TMEM132B: variants seen among roughly 807,000 people sequenced by gnomAD.
The protein encoded by TMEM132B is transmembrane protein 132B.
In TMEM132B, 18 loss-of-function variants were observed where a neutral mutation model predicts 90.8. That is an observed-to-expected ratio of 0.20 (90% CI 0.14 to 0.29). The LOEUF is 0.29. Among genes scored for constraint, TMEM132B ranks in the 10% least tolerant of loss-of-function variants. The pLI is 1.00. For synonymous variants in TMEM132B, 504 were observed against 523.3 expected (o/e 0.96, Z 0.50); for missense variants, 1,096 against 1,326.8 (o/e 0.83, Z 2.70).
At chr12:125,390,440 T>C (rs1405256852) in intron 2 of TMEM132B, among the ~76,000 whole-genome samples, 1 of 152,216 alleles carries the variant, frequency 6.6e-6, no homozygotes, top group Non-Finnish European at 1.5e-5. Flanking sequence ...ACCTTTTCAT[T>C]TGTAGTGGCT....
At chr12:125,597,361 C>G (rs1885463170) in intron 5 of TMEM132B, among the ~76,000 whole-genome samples, 1 of 152,156 alleles carries the variant, frequency 6.6e-6, no homozygotes, top group Non-Finnish European at 1.5e-5. Flanking sequence ...TAGCTGAGTG[C>G]TTAATGTGCC....
At chr12:125,470,398 C>A (rs144623421) in intron 3 of TMEM132B, among the ~76,000 whole-genome samples, 1 of 152,188 alleles carries the variant, frequency 6.6e-6, no homozygotes, top group Non-Finnish European at 1.5e-5. Context: ...CTCTGCATTG[C>A]GGTTGGAGTC....
At chr12:125,644,485 A>G (rs747957250) in intron 6 of TMEM132B, among the ~76,000 whole-genome samples, 1 of 152,232 alleles carries the variant, frequency 6.6e-6, no homozygotes, top group Non-Finnish European at 1.5e-5. Flanking sequence ...GATGATAATA[A>G]TAATAATAGT....
Position 125,447,042 on chromosome 12 carries a change from G to T in TMEM132B, c.1106+31365G>T, listed in dbSNP as rs540478664. ...TGCTATTTTATACCAGTTTTCTTTT[G>T]ATTACTATTTATGTGGCATATATAT... On this transcript the variant is annotated intron_variant, in intron 3 of 8. Coordinates refer to ENST00000682704, the MANE Select transcript of TMEM132B (RefSeq NM_001366854.1). Among the ~76,000 whole-genome samples, 11 of 152,116 alleles carry T rather than the reference G, an allele frequency of 7.2e-5. No homozygotes were observed. The South Asian group carries it at 2.3e-3, about 32-fold the overall frequency.
intron 5 of TMEM132B, among the ~76,000 whole-genome samples, chr12:125,643,512 G>A (rs1343356396): frequency 6.6e-6 from 1 of 152,166 alleles, no homozygotes; most frequent in Non-Finnish European, 1.5e-5. Flanking sequence ...ACGGTGAAAT[G>A]CCACATTCGT....
At chr12:125,352,968 A>C (rs1466209550) in intron 2 of TMEM132B, among the ~76,000 whole-genome samples, 1 of 152,230 alleles carries the variant, frequency 6.6e-6, no homozygotes, top group Non-Finnish European at 1.5e-5. Context: ...TAGTCACTCC[A>C]CTGGAAGGGG....
At chr12:125,304,841 CT>C (rs1875919696) in intron 1 of TMEM132B, among the ~76,000 whole-genome samples, 1 of 151,420 alleles carries the variant, frequency 6.6e-6, no homozygotes, top group Non-Finnish European at 1.5e-5. Context: ...GACCCCATTT[CT>C]AAAAAAAAAA....
At chr12:125,286,230 G>A (rs897173585) in intron 1 of TMEM132B, among the ~76,000 whole-genome samples, 2 of 152,238 alleles carry the variant, frequency 1.3e-5, no homozygotes, top group Admixed American at 1.3e-4. Flanking sequence ...GGGAGAACCA[G>A]CACATAATCC....
intron 1 of TMEM132B, among the ~76,000 whole-genome samples, chr12:125,302,210 A>T (rs533218217): frequency 6.7e-5 from 10 of 150,198 alleles, no homozygotes; most frequent in East Asian, 5.8e-4. Context: ...AAAATAAATT[A>T]AAAAAAAAAT....
intron 1 of TMEM132B, among the ~76,000 whole-genome samples, chr12:125,310,327 G>A (rs1876093201): frequency 1.3e-5 from 2 of 152,202 alleles, no homozygotes; most frequent in African/African-American, 2.4e-5. Flanking sequence ...TGGGAGACCC[G>A]GACAGAGGTG....
At chr12:125,206,762 A>G (rs913691810) in intron 1 of TMEM132B, among the ~76,000 whole-genome samples, 28 of 152,124 alleles carry the variant, frequency 1.8e-4, no homozygotes, top group African/African-American at 6.3e-4. Context: ...GCTCCTCTAC[A>G]GGGGATTCAT....
At chr12:125,448,964 C>CTT (rs368984381) in intron 3 of TMEM132B, among the ~76,000 whole-genome samples, 134 of 124,716 alleles carry the variant, frequency 1.1e-3, no homozygotes, top group Admixed American at 3.2e-3. Context: ...ATTCATATAT[C>CTT]TTTTTTTTTT....
At chr12:125,638,800 A>G (rs918849923) in intron 5 of TMEM132B, among the ~76,000 whole-genome samples, 8 of 152,178 alleles carry the variant, frequency 5.3e-5, no homozygotes, top group Non-Finnish European at 8.8e-5. Context: ...TGTGTCTTAC[A>G]AGATACCCAA....
At chr12:125,564,186 A>G (rs1884609064) in intron 4 of TMEM132B, among the ~76,000 whole-genome samples, 1 of 152,248 alleles carries the variant, frequency 6.6e-6, no homozygotes, top group Non-Finnish European at 1.5e-5. Context: ...TATTCATGAG[A>G]GCGAGGGCAA....
chr12:125,430,275 C>T (rs144698763), intron 3 of TMEM132B, among the ~76,000 whole-genome samples: 188 of 152,266 alleles, frequency 1.2e-3, no homozygotes, highest in Admixed American at 2.0e-3. Context: ...GCGCACTGGC[C>T]GGGGCTGTCT....
At chr12:125,525,793 C>A (rs1004676517) in intron 4 of TMEM132B, among the ~76,000 whole-genome samples, 6 of 152,146 alleles carry the variant, frequency 3.9e-5, no homozygotes, top group Admixed American at 3.3e-4. Flanking sequence ...TCTTTGCCCA[C>A]TGAGTGGCCA....
At chr12:125,389,013 T>TACGTAC (rs1324421809) in intron 2 of TMEM132B, among the ~76,000 whole-genome samples, 3 of 140,096 alleles carry the variant, frequency 2.1e-5, no homozygotes, top group African/African-American at 7.9e-5. Context: ...ATATTTTCTG[T>TACGTAC]ACACACACAC....
At chr12:125,527,597 T>C (rs1254347456) in intron 4 of TMEM132B, among the ~76,000 whole-genome samples, 311 of 44,276 alleles carry the variant, frequency 7.0e-3, no homozygotes, top group Middle Eastern at 0.017. Context: ...TTTACCCTTC[T>C]ATCCACCCAT....
chr12:125,250,029 C>G (rs531819637), intron 1 of TMEM132B, among the ~76,000 whole-genome samples: 1 of 152,244 alleles, frequency 6.6e-6, no homozygotes, highest in Non-Finnish European at 1.5e-5. Context: ...GGGAGAATCC[C>G]CCATTAAGCA....
Sources: gnomAD v4.1 joint callset for allele counts (sites outside exome capture counted in the v4.1 genomes callset) on GRCh38, gnomAD v4.1.1 for gene constraint, MANE v1.5 for transcripts, NCBI Gene and HGNC (gene_info 2026-07-23, HGNC 2026-07-21) for gene names.